The following DPYSL2 variants were observed in gnomAD, a reference collection of about 807,000 sequenced individuals.
DPYSL2 encodes the protein dihydropyrimidinase like 2.
In DPYSL2, 13 loss-of-function variants were observed where a neutral mutation model predicts 69.9. The observed-to-expected ratio is 0.19, with a 90% CI of 0.12 to 0.30. The LOEUF (loss-of-function observed/expected upper bound fraction) is 0.30, where lower values mean the gene tolerates loss of function less well. Among genes scored for constraint, DPYSL2 ranks in the 10% least tolerant of loss-of-function variants. The pLI is 1.00. For missense variants in DPYSL2, 587 were observed against 918.9 expected (o/e 0.64, Z 4.67); for synonymous variants, 326 against 359.1 (o/e 0.91, Z 1.04).
intron 3 of DPYSL2, among the ~76,000 whole-genome samples, chr8:26,607,323 A>G (rs1161027966): frequency 6.6e-6 from 1 of 151,346 alleles, no homozygotes; most frequent in African/African-American, 2.4e-5. Context: ...CATCTCTACT[A>G]AAAATACAAA....
In DPYSL2 at chr8:26,591,174, GT is replaced by G. The variant is rs1801718124; in HGVS notation, c.628+7194del. 6.6e-6 allele frequency among the ~76,000 whole-genome samples: 1 copy of G among 152,166 alleles called. No individual in the cohort carries two copies. On this transcript the variant is annotated intron_variant, in intron 3 of 13. Coordinates refer to ENST00000521913, the MANE Select transcript of DPYSL2 (RefSeq NM_001197293.3). This position sits in a 1 kb window ranked among gnomAD's most constrained non-coding sequence, Gnocchi z 5.8. ...TACATGGAGAGTCACAGCACTGGGGGTTTCCCAGAGCCTAGACTCTGACTTG... is the reference window on the plus strand; with the variant it reads ...TACATGGAGAGTCACAGCACTGGGGGTTCCCAGAGCCTAGACTCTGACTTG...
At chr8:26,632,418 G>T (rs1802799224) in intron 7 of DPYSL2, among the ~76,000 whole-genome samples, 1 of 152,234 alleles carries the variant, frequency 6.6e-6, no homozygotes, top group African/African-American at 2.4e-5. Context: ...TGGGGACTTG[G>T]AGATGAGGAT....
Position 26,577,968 on chromosome 8 carries a change from C to A in DPYSL2, c.355-4001C>A. 3.1e-6 allele frequency: 4 copies of A among 1,295,164 alleles called. No individual in the cohort carries two copies. The South Asian group carries it at 5.1e-5, about 16-fold the overall frequency. 80.2% of individuals were successfully genotyped at this position (1,295,164 alleles called of 1,614,324 possible). A position where few individuals can be genotyped will look rare whatever the true frequency, so the allele number is the denominator to read the frequency against. On this transcript the variant is annotated intron_variant, in intron 1 of 13. Coordinates refer to ENST00000521913, the MANE Select transcript of DPYSL2 (RefSeq NM_001197293.3). ...TTATTGCTGTAGTTTATTTCCACCC[C>A]CTTCCCTCCTGTTTCTCTCTCTCCT...
rs1463182520 is a variant in DPYSL2, at chr8:26,514,317, C to T, written c.-9C>T. ...CGGACGGCGAGGACCCTACCCGAGC[C>T]CCCGAGCCATGGCCGAGAGAAAGCA... On this transcript the variant is annotated 5_prime_UTR_variant, in exon 1 of 14. Coordinates refer to ENST00000521913, the MANE Select transcript of DPYSL2 (RefSeq NM_001197293.3). This position sits in a 1 kb window ranked among gnomAD's most constrained non-coding sequence, Gnocchi z 8.4. 1 of 1,443,844 alleles carries T rather than the reference C, an allele frequency of 6.9e-7. No homozygotes were observed. Among genetic ancestry groups the T allele is most frequent in the Non-Finnish European group, 9.1e-7 (1 of 1,100,464 alleles). 89.4% of individuals were successfully genotyped at this position (1,443,844 alleles called of 1,614,324 possible).
intron 1 of DPYSL2, among the ~76,000 whole-genome samples, chr8:26,530,642 G>A (rs1293329710): frequency 3.3e-5 from 5 of 152,098 alleles, no homozygotes; most frequent in African/African-American, 9.7e-5. Context: ...ATTTAGTTAC[G>A]TAAGATGTAC....
At chr8:26,615,323 G>A (rs1366854375) in intron 3 of DPYSL2, among the ~76,000 whole-genome samples, 1 of 152,168 alleles carries the variant, frequency 6.6e-6, no homozygotes, top group Non-Finnish European at 1.5e-5. Flanking sequence ...CAATGTTTGT[G>A]ACTTAAACTT....
intron 7 of DPYSL2, among the ~76,000 whole-genome samples, chr8:26,633,488 G>A (rs1802827316): frequency 6.6e-6 from 1 of 152,148 alleles, no homozygotes; most frequent in Non-Finnish European, 1.5e-5. Flanking sequence ...TTATTTATGA[G>A]ATGAAGTCTC....
chr8:26,521,914 A>C (rs1433342787), intron 1 of DPYSL2, among the ~76,000 whole-genome samples: 1 of 152,138 alleles, frequency 6.6e-6, no homozygotes, highest in Non-Finnish European at 1.5e-5. Context: ...CCTATTCATT[A>C]GTTTTTCCAA....
At position 26,638,547 on chromosome 8, in the gene DPYSL2, G is replaced by A. The variant is rs376877428; in HGVS notation, c.1126+3647G>A. 3.3e-5 allele frequency among the ~76,000 whole-genome samples: 5 copies of A among 152,260 alleles called. No individual in the cohort carries two copies. The East Asian group carries it at 7.7e-4, about 24-fold the overall frequency. The stretch of plus-strand genomic sequence containing the variant: ...CGACTGCATCCTGCCTTCCCTGAGA[G>A]ACACGCTGAGAGACACGCTGCTTCC... On this transcript the variant is annotated intron_variant, in intron 8 of 13. Coordinates refer to ENST00000521913, the MANE Select transcript of DPYSL2 (RefSeq NM_001197293.3).
At chr8:26,612,752 G>T (rs1339141378) in intron 3 of DPYSL2, among the ~76,000 whole-genome samples, 1 of 152,184 alleles carries the variant, frequency 6.6e-6, no homozygotes, top group Non-Finnish European at 1.5e-5. Flanking sequence ...AAGGATTTAG[G>T]GATGGATCGT....
intron 3 of DPYSL2, among the ~76,000 whole-genome samples, chr8:26,616,108 G>A (rs2585459): frequency 0.68 from 103,880 of 152,038 alleles, 35,614 homozygotes; most frequent in Admixed American, 0.71. Context: ...AGCTCTGAGA[G>A]TTTGAACTTC....
chr8:26,624,123 A>G lies in DPYSL2; in HGVS notation c.629-20A>G, dbSNP rs776001918. ...CCTTGAGGCTCTTGGTGATGATGAC[A>G]TATGTCTGTTTCTTTCTAGTTGACC... On this transcript the variant is annotated intron_variant, in intron 3 of 13. Coordinates refer to ENST00000521913, the MANE Select transcript of DPYSL2 (RefSeq NM_001197293.3). The surrounding 1 kb of genome is among the most constrained non-coding windows in gnomAD (Gnocchi z 4.7). 3.1e-6 allele frequency: 5 copies of G among 1,613,800 alleles called. No homozygotes were observed. Among genetic ancestry groups the G allele is most frequent in the South Asian group, 1.1e-5 (1 of 91,048 alleles).
chr8:26,566,513 G>T (rs568642393), intron 1 of DPYSL2, among the ~76,000 whole-genome samples: 1 of 152,188 alleles, frequency 6.6e-6, no homozygotes, highest in Non-Finnish European at 1.5e-5. Flanking sequence ...ACTGAACAGA[G>T]TGTGGTTGAC....
rs1038662984 is a variant in DPYSL2 at position 26,653,957 on chromosome 8, ATATAT to A, written c.1942+563_1942+567del. Reference sequence around the variant, plus strand: ...CAATGCCCATACTGTGTTTTACCTAATATATTAAGAAGACATTTGTTCAATTTATT... The same window carrying A: ...CAATGCCCATACTGTGTTTTACCTAATAAGAAGACATTTGTTCAATTTATT... On this transcript the variant is annotated intron_variant, in intron 13 of 13. Coordinates refer to ENST00000521913, the MANE Select transcript of DPYSL2 (RefSeq NM_001197293.3). This position sits in a 1 kb window ranked among gnomAD's most constrained non-coding sequence, Gnocchi z 5.7. Among the ~76,000 whole-genome samples, 1 of 152,206 alleles carries A rather than the reference ATATAT, an allele frequency of 6.6e-6. No individual in the cohort carries two copies. Among genetic ancestry groups the A allele is most frequent in the Non-Finnish European group, 1.5e-5 (1 of 68,038 alleles).
chr8:26,595,898 G>A (rs1801850167), intron 3 of DPYSL2, among the ~76,000 whole-genome samples: 1 of 152,176 alleles, frequency 6.6e-6, no homozygotes, highest in African/African-American at 2.4e-5. Flanking sequence ...TTCTGGCAGA[G>A]GCGAGCAGCT....
rs1241675448 is a variant in DPYSL2, at chr8:26,562,924, G to C, written c.355-19045G>C. ...CACCATGGCAGGAAGGCTGGGCTTG[G>C]GGGGACTCTGCTGGAATTCCTATAT... is the stretch of plus-strand genomic sequence containing the variant. On this transcript the variant is annotated intron_variant, in intron 1 of 13. Transcript: ENST00000521913. This position sits in a 1 kb window ranked among gnomAD's most constrained non-coding sequence, Gnocchi z 4.9. Among the ~76,000 whole-genome samples, 4 of 152,236 alleles carry C rather than the reference G, an allele frequency of 2.6e-5. No homozygotes were observed. The East Asian group carries it at 7.7e-4, about 29-fold the overall frequency.
intron 1 of DPYSL2, among the ~76,000 whole-genome samples, chr8:26,537,611 T>TACACACACACAAACACACACAC (rs1554533021): frequency 6.8e-6 from 1 of 147,546 alleles, no homozygotes; most frequent in African/African-American, 2.5e-5. Flanking sequence ...ATTCTCTCTC[T>TACACACACACAAACACACACAC]ACACACACAC....
chr8:26,540,335 G>GA (rs1189406898), intron 1 of DPYSL2, among the ~76,000 whole-genome samples: 1 of 151,964 alleles, frequency 6.6e-6, no homozygotes, highest in East Asian at 1.9e-4. Flanking sequence ...ATAAAAAAAT[G>GA]AAAAAAGTGA....
At chr8:26,584,777 G>A (rs144677939) in intron 3 of DPYSL2, among the ~76,000 whole-genome samples, 1,985 of 151,994 alleles carry the variant, frequency 0.013, 46 homozygotes, top group African/African-American at 0.043. Context: ...GCACCCCCAC[G>A]CTTGGCTAAT....
Sources: gnomAD v4.1 joint callset for allele counts (sites outside exome capture counted in the v4.1 genomes callset) on GRCh38, gnomAD v4.1.1 for gene constraint, Gnocchi (gnomAD v3.1) non-coding constraint, MANE v1.5 for transcripts, NCBI Gene and HGNC (gene_info 2026-07-23, HGNC 2026-07-21) for gene names.